The following RTN4IP1 variants were observed in gnomAD, a reference collection of about 807,000 sequenced individuals.
The protein encoded by RTN4IP1 is reticulon 4 interacting protein 1.
RTN4IP1 carries 32 observed loss-of-function variants against 46.6 expected under a neutral mutation model. That is an observed-to-expected ratio of 0.69 (90% CI 0.52 to 0.92). RTN4IP1 has a LOEUF of 0.92. Ranked by LOEUF, RTN4IP1 falls within the 40% of genes least tolerant of loss-of-function variation. The pLI is 0.00. For missense variants in RTN4IP1, 424 were observed against 485.8 expected (o/e 0.87, Z 1.20); for synonymous variants, 167 against 161.8 (o/e 1.03, Z -0.24).
intron 8 of RTN4IP1, among the ~76,000 whole-genome samples, chr6:106,577,489 T>C (rs556764272): frequency 1.1e-4 from 16 of 141,598 alleles, no homozygotes; most frequent in African/African-American, 3.3e-4. Flanking sequence ...CCTCCCATAC[T>C]TGATTTCTAG....
At chr6:106,577,944 A>G (rs985464184) in intron 8 of RTN4IP1, among the ~76,000 whole-genome samples, 1 of 152,202 alleles carries the variant, frequency 6.6e-6, no homozygotes, top group Non-Finnish European at 1.5e-5. Flanking sequence ...TCTTATTATT[A>G]TAAGATAATA....
chr6:106,572,821 T>G (rs989467398), intron 8 of RTN4IP1, among the ~76,000 whole-genome samples: 3 of 152,194 alleles, frequency 2.0e-5, no homozygotes, highest in Non-Finnish European at 4.4e-5. Context: ...GTTTGGCATA[T>G]CTACCCAACC....
chr6:106,615,359 C>A (rs1012398446), intron 4 of RTN4IP1, among the ~76,000 whole-genome samples: 14 of 152,120 alleles, frequency 9.2e-5, no homozygotes, highest in Admixed American at 8.5e-4. Flanking sequence ...TAATCAGACA[C>A]CTAATTTACA....
intron 8 of RTN4IP1, among the ~76,000 whole-genome samples, chr6:106,581,398 A>AC (rs1775366889): frequency 6.6e-6 from 1 of 152,228 alleles, no homozygotes; most frequent in Non-Finnish European, 1.5e-5. Flanking sequence ...AATCTCTACC[A>AC]ACCACACAAC....
chr6:106,573,132 A>G (rs1352604104), intron 8 of RTN4IP1, among the ~76,000 whole-genome samples: 2 of 152,216 alleles, frequency 1.3e-5, no homozygotes, highest in African/African-American at 4.8e-5. Context: ...TCACTGTACT[A>G]TCAGTAATGC....
At position 106,628,958 on chromosome 6, in the gene RTN4IP1, T is replaced by C. The variant is rs369636486; in HGVS notation, c.64A>G (p.Ser22Gly). The change falls in exon 1 of 9, where the codon AGC becomes GGC. Residue 22 changes from serine (S) to glycine (G), a missense_variant. Ser to Gly is a moderately conservative substitution (Grantham distance 56, BLOSUM62 0). Coordinates refer to ENST00000369063, the MANE Select transcript of RTN4IP1 (RefSeq NM_032730.5). ...ACTGAAGGCTTTTGGACAACTTTGCTTCTCCAGAAGCAAACCGCAGTGCAT... is the reference window on the plus strand; with the variant it reads ...ACTGAAGGCTTTTGGACAACTTTGCCTCTCCAGAAGCAAACCGCAGTGCAT... ...NACTAVCFWR[S>G]KVVQKPSVRR... The C allele has an allele frequency of 6.2e-7, 1 of 1,614,164 alleles. No homozygotes were observed. Among genetic ancestry groups the C allele is most frequent in the Non-Finnish European group, 8.5e-7 (1 of 1,180,022 alleles).
chr6:106,572,212 C>T, intron 8 of RTN4IP1, 109 bp from the exon 9 acceptor site: 5 of 885,122 alleles, frequency 5.6e-6, no homozygotes, highest in Non-Finnish European at 7.3e-6. Context: ...CAGTCTCTCT[C>T]AAGTGTCTCT....
intron 3 of RTN4IP1, 110 bp downstream of exon 3, chr6:106,621,315 T>C (rs1439847922): frequency 1.3e-6 from 1 of 788,326 alleles, no homozygotes; most frequent in Non-Finnish European, 2.1e-6. Flanking sequence ...TATCTTTTTA[T>C]AAACTGCCCC....
At chr6:106,600,060 A>G (rs988341555) in intron 5 of RTN4IP1, among the ~76,000 whole-genome samples, 2 of 152,090 alleles carry the variant, frequency 1.3e-5, no homozygotes, top group African/African-American at 4.8e-5. Flanking sequence ...ATGAGTTAAA[A>G]GAAGTTAAAG....
At position 106,623,472 on chromosome 6, in the gene RTN4IP1, G is replaced by C. The variant is rs141039370; in HGVS notation, c.275-503C>G. ...TACTTGGGAGATGAAATACTCTGTA[G>C]AACAAACCCCCATGACACAAGCTCA... On this transcript the variant is annotated intron_variant, in intron 1 of 8. Coordinates refer to ENST00000369063, the MANE Select transcript of RTN4IP1 (RefSeq NM_032730.5). Among the ~76,000 whole-genome samples the C allele has an allele frequency of 3.4e-3, 512 of 152,250 alleles. 5 individuals are homozygous for C. Among genetic ancestry groups the C allele is most frequent in the African/African-American group, 0.012 (480 of 41,550 alleles).
intron 8 of RTN4IP1, among the ~76,000 whole-genome samples, chr6:106,580,920 C>T (rs982460211): frequency 7.8e-6 from 1 of 128,332 alleles, no homozygotes; most frequent in African/African-American, 2.9e-5. Context: ...TAGCTGTTAA[C>T]AAAAAAGGAA....
chr6:106,594,440 G>T (rs1336501202), intron 5 of RTN4IP1, among the ~76,000 whole-genome samples: 1 of 152,126 alleles, frequency 6.6e-6, no homozygotes, highest in East Asian at 1.9e-4. Flanking sequence ...GCCGGCGGGG[G>T]TGGAGGTTGC....
chr6:106,618,788 C>A (rs1026013824), intron 4 of RTN4IP1, among the ~76,000 whole-genome samples: 3 of 152,120 alleles, frequency 2.0e-5, no homozygotes, highest in Non-Finnish European at 4.4e-5. Context: ...GTGAGAATAA[C>A]TCCTGGGAGA....
intron 4 of RTN4IP1, among the ~76,000 whole-genome samples, chr6:106,606,510 GA>G (rs1484048927): frequency 6.6e-6 from 1 of 151,928 alleles, no homozygotes; most frequent in African/African-American, 2.4e-5. Context: ...AGCTGAAAAA[GA>G]AATCAATTTC....
At chr6:106,595,925 A>G (rs913744497) in intron 5 of RTN4IP1, among the ~76,000 whole-genome samples, 4 of 152,254 alleles carry the variant, frequency 2.6e-5, no homozygotes, top group Non-Finnish European at 5.9e-5. Context: ...TTATCAGTTT[A>G]TAAGATAATA....
intron 6 of RTN4IP1, among the ~76,000 whole-genome samples, chr6:106,589,648 A>G (rs1322466886): frequency 3.3e-5 from 5 of 152,162 alleles, no homozygotes; most frequent in Non-Finnish European, 4.4e-5. Flanking sequence ...CAACTACAGC[A>G]TCATAGGGTT....
At chr6:106,598,276 C>T (rs1562142068) in intron 5 of RTN4IP1, among the ~76,000 whole-genome samples, 1 of 152,206 alleles carries the variant, frequency 6.6e-6, no homozygotes. Context: ...GCCACACTGA[C>T]TTCCACGATG....
chr6:106,610,890 T>A (rs1776205964), intron 4 of RTN4IP1, among the ~76,000 whole-genome samples: 2 of 152,152 alleles, frequency 1.3e-5, no homozygotes, highest in African/African-American at 4.8e-5. Flanking sequence ...ATCTCTGAAT[T>A]CTCCCTAAAC....
chr6:106,626,205 T>G (rs912504417), intron 1 of RTN4IP1, among the ~76,000 whole-genome samples: 1 of 151,920 alleles, frequency 6.6e-6, no homozygotes, highest in Non-Finnish European at 1.5e-5. Flanking sequence ...GTAGCTTGCA[T>G]GAGTTGTGTT....
Sources: allele counts gnomAD v4.1 joint callset (sites outside exome capture counted in the v4.1 genomes callset), GRCh38; gene constraint gnomAD v4.1.1; transcripts MANE v1.5; gene names NCBI Gene and HGNC (gene_info 2026-07-23, HGNC 2026-07-21).